Variants in CPLX2 observed in about 807,000 individuals in gnomAD.
CPLX2 encodes the protein complexin-2.
A neutral mutation model predicts 16.3 loss-of-function variants in CPLX2; 5 were observed. That is an observed-to-expected ratio of 0.31 (90% CI 0.16 to 0.64). The LOEUF is 0.64. Ranked by LOEUF, CPLX2 falls within the 30% of genes least tolerant of loss-of-function variation. The pLI, the probability that CPLX2 is intolerant of heterozygous loss-of-function variation, is 0.79. For missense variants in CPLX2, 144 were observed against 181.4 expected, an observed-to-expected ratio of 0.79 and a Z score of 1.18; for synonymous variants, 89 against 73.2, an observed-to-expected ratio of 1.22 and a Z score of -1.10.
chr5:175,850,423 C>T (rs1401741217), intron 2 of CPLX2, among the ~76,000 whole-genome samples: 4 of 152,194 alleles, frequency 2.6e-5, no homozygotes, highest in Non-Finnish European at 5.9e-5. Flanking sequence ...TTCCTTTCGG[C>T]TGGCCAGAGC....
intron 2 of CPLX2, among the ~76,000 whole-genome samples, chr5:175,825,132 C>T (rs999010448): frequency 6.6e-6 from 1 of 152,174 alleles, no homozygotes; most frequent in Non-Finnish European, 1.5e-5. Context: ...TACAGTGGCT[C>T]GCACCTGTAA....
At chr5:175,852,188 A>G (rs1759170112) in intron 2 of CPLX2, among the ~76,000 whole-genome samples, 1 of 152,218 alleles carries the variant, frequency 6.6e-6, no homozygotes, top group Non-Finnish European at 1.5e-5. Context: ...TAGCCTTCCA[A>G]CCCCAGGTGG....
rs934404672 is a variant in CPLX2, at chr5:175,809,700, C to T, written c.-89+632C>T. ...AACCTCAGCTCCTCTTCCAGGTGGC[C>T]GGCCAAGCTCGGATCACACCCGGCA... is the stretch of plus-strand genomic sequence containing the variant. On this transcript the variant is annotated intron_variant, in intron 2 of 4. Coordinates refer to the CPLX2 transcript ENST00000359546. The surrounding 1 kb of genome is among the most constrained non-coding windows in gnomAD (Gnocchi z 4.4). Among the ~76,000 whole-genome samples the T allele has an allele frequency of 1.3e-5, 2 of 152,202 alleles. No individual in the cohort carries two copies. The highest frequency in any genetic ancestry group is 2.9e-5 in the Non-Finnish European group (2 of 68,012).
intron 2 of CPLX2, among the ~76,000 whole-genome samples, chr5:175,860,610 G>T (rs1481234195): frequency 1.3e-5 from 2 of 149,686 alleles, no homozygotes; most frequent in African/African-American, 2.5e-5. Context: ...AAGGAAGGAA[G>T]GAAGGAAGGA....
intron 2 of CPLX2, among the ~76,000 whole-genome samples, chr5:175,846,890 C>A (rs1366188138): frequency 6.6e-6 from 1 of 152,238 alleles, no homozygotes; most frequent in Non-Finnish European, 1.5e-5. Context: ...GCAGGCCTAG[C>A]CAAGCTCAGG....
chr5:175,838,503 C>T (rs571898187), intron 2 of CPLX2, among the ~76,000 whole-genome samples: 49 of 152,220 alleles, frequency 3.2e-4, no homozygotes, highest in African/African-American at 1.0e-3. Flanking sequence ...CTCCTGACCT[C>T]GTGATCCAAC....
At chr5:175,862,742 A>C (rs1759395812) in intron 2 of CPLX2, among the ~76,000 whole-genome samples, 1 of 152,238 alleles carries the variant, frequency 6.6e-6, no homozygotes, top group Non-Finnish European at 1.5e-5. Flanking sequence ...CAAAAGTATA[A>C]GACCCAGAAT....
At chr5:175,815,914 T>C (rs1471756203) in intron 2 of CPLX2, among the ~76,000 whole-genome samples, 1 of 152,260 alleles carries the variant, frequency 6.6e-6, no homozygotes, top group Non-Finnish European at 1.5e-5. Context: ...GCATCATGCC[T>C]GACACACATG....
In CPLX2 at chr5:175,845,972, C is replaced by T. The variant is rs971510039; in HGVS notation, c.-88-32680C>T. On this transcript the variant is annotated intron_variant, in intron 2 of 4. Coordinates refer to the CPLX2 transcript ENST00000359546. The surrounding 1 kb of genome is among the most constrained non-coding windows in gnomAD (Gnocchi z 4.0). ...AATCTGAAAGATGCAGATGGCCTGT[C>T]CCCTCACCTCCTGAAATCAATCAGG... is the stretch of plus-strand genomic sequence containing the variant. Among the ~76,000 whole-genome samples the T allele has an allele frequency of 1.3e-5, 2 of 152,150 alleles. No individual in the cohort carries two copies. Among genetic ancestry groups the T allele is most frequent in the African/African-American group, 2.4e-5 (1 of 41,428 alleles).
intron 2 of CPLX2, among the ~76,000 whole-genome samples, chr5:175,837,203 G>A (rs551727009): frequency 2.0e-4 from 31 of 152,270 alleles, no homozygotes; most frequent in Admixed American, 1.2e-3. Flanking sequence ...ACCCCAAGCT[G>A]TGCTTCCCCC....
intron 2 of CPLX2, among the ~76,000 whole-genome samples, chr5:175,856,005 C>T (rs1759248678): frequency 6.6e-6 from 1 of 152,200 alleles, no homozygotes; most frequent in South Asian, 2.1e-4. Context: ...CCACCTCATC[C>T]TACATCCAGC....
intron 2 of CPLX2, among the ~76,000 whole-genome samples, chr5:175,852,892 G>A (rs967192918): frequency 5.3e-5 from 8 of 152,108 alleles, no homozygotes; most frequent in African/African-American, 1.4e-4. Context: ...TACCACTCTC[G>A]ATAGCAAGTC....
chr5:175,824,293 A>C (rs1758567214), intron 2 of CPLX2, among the ~76,000 whole-genome samples: 1 of 152,228 alleles, frequency 6.6e-6, no homozygotes, highest in Admixed American at 6.5e-5. Context: ...GATCAGCAAG[A>C]GGTAAGCCAC....
chr5:175,811,253 G>T (rs1010902520), intron 2 of CPLX2, among the ~76,000 whole-genome samples: 4 of 152,218 alleles, frequency 2.6e-5, no homozygotes. Flanking sequence ...TACTACCCAG[G>T]AAGGGTGGTT....
intron 2 of CPLX2, among the ~76,000 whole-genome samples, chr5:175,810,383 A>C (rs1354723297): frequency 6.6e-6 from 1 of 152,136 alleles, no homozygotes; most frequent in Non-Finnish European, 1.5e-5. Flanking sequence ...AACCTTCTTC[A>C]GGTTTTGTCT....
At chr5:175,805,110 G>A (rs558485874) in intron 1 of CPLX2, among the ~76,000 whole-genome samples, 20 of 152,284 alleles carry the variant, frequency 1.3e-4, no homozygotes, top group Admixed American at 3.9e-4. Context: ...CGCTGCTGGT[G>A]GTGGGTCAAT....
chr5:175,840,314 G>A (rs954100325), intron 2 of CPLX2, among the ~76,000 whole-genome samples: 11 of 152,182 alleles, frequency 7.2e-5, no homozygotes, highest in African/African-American at 2.7e-4. Context: ...TAACAAGCTA[G>A]TTATAGGTGT....
chr5:175,816,434 A>G (rs555580187), intron 2 of CPLX2, among the ~76,000 whole-genome samples: 30 of 152,290 alleles, frequency 2.0e-4, no homozygotes, highest in East Asian at 5.8e-4. Context: ...CCAAAGTGCT[A>G]GGATTACAGG....
chr5:175,797,283 G>T (rs1045652171), intron 1 of CPLX2, among the ~76,000 whole-genome samples: 1 of 152,186 alleles, frequency 6.6e-6, no homozygotes, highest in Non-Finnish European at 1.5e-5. Context: ...CCAGAGAGGT[G>T]TCACCGGCGA....
Sources: gnomAD v4.1 joint callset for allele counts (sites outside exome capture counted in the v4.1 genomes callset) on GRCh38, gnomAD v4.1.1 for gene constraint, Gnocchi (gnomAD v3.1) non-coding constraint, MANE v1.5 for transcripts, NCBI Gene and HGNC (gene_info 2026-07-23, HGNC 2026-07-21) for gene names.